PCDHGB6: variants seen among roughly 807,000 people sequenced by gnomAD.
The protein encoded by PCDHGB6 is protocadherin gamma-B6.
PCDHGB6 carries 51 observed loss-of-function variants against 59.1 expected under a neutral mutation model. The observed-to-expected ratio is 0.86, with a 90% CI of 0.69 to 1.09. PCDHGB6 has a LOEUF of 1.09. Ranked by LOEUF, PCDHGB6 falls within the 50% of genes least tolerant of loss-of-function variation. The pLI, the probability that PCDHGB6 is intolerant of heterozygous loss-of-function variation, is 0.00. For missense variants in PCDHGB6, 1,148 were observed against 1,205.1 expected (o/e 0.95, Z 0.70); for synonymous variants, 466 against 495.1 (o/e 0.94, Z 0.78).
Position 141,417,931 on chromosome 5 carries a change from G to C in PCDHGB6, c.2418+7311G>C, listed in dbSNP as rs551432799. The C allele has an allele frequency of 6.2e-6, 10 of 1,611,500 alleles. No homozygotes were observed. In the South Asian group the frequency reaches 9.9e-5, roughly 16 times the overall value. On this transcript the variant is annotated intron_variant, in intron 1 of 3. Transcript: ENST00000520790. ...TACTATTTCCTTTGCTGCTGCCTTT[G>C]TTCTACCCCACGCTGTGTGAGCCGA...
In PCDHGB6 at chr5:141,487,680, A is replaced by G; in HGVS notation, c.2419-7127A>G. On this transcript the variant is annotated intron_variant, in intron 1 of 3. Coordinates refer to ENST00000520790, the MANE Select transcript of PCDHGB6 (RefSeq NM_018926.3). This position sits in a 1 kb window ranked among gnomAD's most constrained non-coding sequence, Gnocchi z 5.0. ...TCTGATCCAGGCATATGGCTAGGCC[A>G]TGTCCTAGAGAGTACTGGCCTCTCA... 6.2e-7 allele frequency: 1 copy of G among 1,609,370 alleles called. No individual in the cohort carries two copies. The highest frequency in any genetic ancestry group is 2.2e-5 in the East Asian group (1 of 44,826).
At position 141,409,463 on chromosome 5, in the gene PCDHGB6, A is replaced by G. The variant is rs751200597; in HGVS notation, c.1261A>G (p.Thr421Ala). The stretch of plus-strand genomic sequence containing the variant: ...AGAGCAGACACCAGAATACAATGTC[A>G]CCATCGTAGCCACTGACAGGGGCAA... ...DREQTPEYNV[T>A]IVATDRGKPP... The change falls in exon 1 of 4, where the codon ACC becomes GCC. Residue 421 changes from threonine to alanine, a missense_variant. Physicochemically the swap from Thr to Ala is moderately conservative, Grantham distance 58 (BLOSUM62 0). Coordinates refer to ENST00000520790, the MANE Select transcript of PCDHGB6 (RefSeq NM_018926.3). The G allele has an allele frequency of 1.2e-6, 2 of 1,613,744 alleles. No individual in the cohort carries two copies. The highest frequency in any genetic ancestry group is 1.7e-6 in the Non-Finnish European group (2 of 1,179,886).
intron 1 of PCDHGB6, among the ~76,000 whole-genome samples, chr5:141,456,854 T>C (rs924765803): frequency 7.2e-5 from 11 of 151,950 alleles, no homozygotes; most frequent in Non-Finnish European, 1.3e-4. Context: ...TCCCAGCTAA[T>C]TGGGAGGCTG....
intron 1 of PCDHGB6, among the ~76,000 whole-genome samples, chr5:141,472,889 G>A (rs1163806093): frequency 6.6e-6 from 1 of 151,392 alleles, no homozygotes; most frequent in Non-Finnish European, 1.5e-5. Context: ...GGGAGGCTGA[G>A]GCAGGAGAAT....
chr5:141,419,831 G>A, intron 1 of PCDHGB6: 5 of 1,614,048 alleles, frequency 3.1e-6, no homozygotes, highest in Non-Finnish European at 4.2e-6. Context: ...TTCAGCCACT[G>A]CCACGCTGCA....
intron 1 of PCDHGB6, chr5:141,413,123 AAACACAC>A (rs2095606041): frequency 2.0e-6 from 3 of 1,526,818 alleles, no homozygotes; most frequent in Middle Eastern, 3.6e-4. Context: ...GAACCGGTTG[AAACACAC>A]AACGTGTCCA....
intron 1 of PCDHGB6, among the ~76,000 whole-genome samples, chr5:141,449,586 C>T (rs2098645911): frequency 1.6e-5 from 2 of 125,482 alleles, no homozygotes; most frequent in East Asian, 2.3e-4. Context: ...AAGACTCTGT[C>T]TCAAAAAAAA....
chr5:141,438,629 T>C (rs1162332421), intron 1 of PCDHGB6, among the ~76,000 whole-genome samples: 9 of 48,096 alleles, frequency 1.9e-4, no homozygotes, highest in Admixed American at 6.4e-4. Context: ...TATATATATA[T>C]ATATATACAC....
At chr5:141,448,602 A>G (rs1350132402) in intron 1 of PCDHGB6, among the ~76,000 whole-genome samples, 1 of 152,154 alleles carries the variant, frequency 6.6e-6, no homozygotes, top group Non-Finnish European at 1.5e-5. Flanking sequence ...AAAATACTAT[A>G]CACCACTTTA....
At chr5:141,414,015 A>C in intron 1 of PCDHGB6, 1 of 1,613,160 alleles carries the variant, frequency 6.2e-7, no homozygotes, top group South Asian at 1.1e-5. Context: ...CCAATGGAGA[A>C]GTGACATATT....
intron 1 of PCDHGB6, chr5:141,421,835 G>A (rs755889809): frequency 5.6e-6 from 9 of 1,613,746 alleles, no homozygotes; most frequent in Non-Finnish European, 6.8e-6. Context: ...AGCCTGGACC[G>A]AGAGAAAGAG....
intron 1 of PCDHGB6, chr5:141,417,493 G>A (rs1463793261): frequency 4.7e-6 from 1 of 214,978 alleles, no homozygotes; most frequent in East Asian, 1.1e-4. Context: ...GAATCACTGA[G>A]GAAAAAGATT....
intron 1 of PCDHGB6, among the ~76,000 whole-genome samples, chr5:141,433,766 G>A (rs2097649774): frequency 6.6e-6 from 1 of 151,888 alleles, no homozygotes; most frequent in South Asian, 2.1e-4. Flanking sequence ...TAACCTGGGA[G>A]GTGGAGGTTG....
At chr5:141,438,914 C>T (rs1249997741) in intron 1 of PCDHGB6, among the ~76,000 whole-genome samples, 1 of 151,906 alleles carries the variant, frequency 6.6e-6, no homozygotes, top group Non-Finnish European at 1.5e-5. Flanking sequence ...GATCCACCTG[C>T]CTTGGCCTCC....
At chr5:141,428,437 C>A in intron 1 of PCDHGB6, 1 of 400,386 alleles carries the variant, frequency 2.5e-6, no homozygotes, top group South Asian at 2.4e-5. Flanking sequence ...TAAGACTAGA[C>A]CAGGGGTTTT....
intron 1 of PCDHGB6, among the ~76,000 whole-genome samples, chr5:141,456,790 C>T (rs1364747385): frequency 6.6e-6 from 1 of 151,976 alleles, no homozygotes; most frequent in Admixed American, 6.6e-5. Flanking sequence ...TGGCAAAACC[C>T]CATCTCTACT....
At chr5:141,415,540 T>C (rs1202920204) in intron 1 of PCDHGB6, 9 of 1,614,184 alleles carry the variant, frequency 5.6e-6, no homozygotes, top group Non-Finnish European at 7.6e-6. Context: ...CCAGGAGAGC[T>C]GTGAGAAAAA....
chr5:141,425,127 A>G (rs1353123394), intron 1 of PCDHGB6, among the ~76,000 whole-genome samples: 2 of 152,208 alleles, frequency 1.3e-5, no homozygotes, highest in Non-Finnish European at 2.9e-5. Flanking sequence ...CTTGAAGTCA[A>G]GAAAAATGTT....
At chr5:141,417,943 G>A (rs772925118) in intron 1 of PCDHGB6, 2 of 1,613,194 alleles carry the variant, frequency 1.2e-6, no homozygotes, top group Admixed American at 1.7e-5. Flanking sequence ...TCTACCCCAC[G>A]CTGTGTGAGC....
Sources: allele counts gnomAD v4.1 joint callset (sites outside exome capture counted in the v4.1 genomes callset), GRCh38; gene constraint gnomAD v4.1.1; non-coding constraint Gnocchi (gnomAD v3.1); transcripts MANE v1.5; gene names NCBI Gene and HGNC (gene_info 2026-07-23, HGNC 2026-07-21).